PCDHGA11: variants seen among roughly 807,000 people sequenced by gnomAD.
PCDHGA11 encodes the protein protocadherin gamma-A11.
PCDHGA11 carries 39 observed loss-of-function variants against 60.4 expected under a neutral mutation model. That is an observed-to-expected ratio of 0.65 (90% CI 0.50 to 0.84). The LOEUF (loss-of-function observed/expected upper bound fraction) is 0.84, where lower values mean the gene tolerates loss of function less well. Among genes scored for constraint, PCDHGA11 ranks in the 40% least tolerant of loss-of-function variants. The pLI is 0.00. For missense variants in PCDHGA11, 1,165 were observed against 1,197.7 expected, an observed-to-expected ratio of 0.97 and a Z score of 0.40; for synonymous variants, 533 against 510.3, an observed-to-expected ratio of 1.04 and a Z score of -0.60.
rs750915364 is a variant in PCDHGA11, at chr5:141,423,517, T to G, written c.2290T>G (p.Ser764Ala). The G allele has an allele frequency of 1.9e-6, 3 of 1,613,716 alleles. No individual in the cohort carries two copies. The highest frequency in any genetic ancestry group is 2.5e-6 in the Non-Finnish European group (3 of 1,179,834). Residue 764 changes from serine (S) to alanine (A), a missense_variant, in exon 1 of 4, where the codon TCG (serine) becomes GCG (alanine). Physicochemically the swap from Ser to Ala is moderately conservative, Grantham distance 99 (BLOSUM62 1). Coordinates refer to ENST00000398587, the MANE Select transcript of PCDHGA11 (RefSeq NM_018914.3). ...YSHEVSLIAD[S>A]QKSHLIFPQP... Reference sequence around the variant, plus strand: ...CCACGAGGTCTCTCTCATTGCGGACTCGCAGAAGAGTCACCTGATTTTCCC... The same window carrying G: ...CCACGAGGTCTCTCTCATTGCGGACGCGCAGAAGAGTCACCTGATTTTCCC...
At chr5:141,472,849 G>C (rs966051912) in intron 1 of PCDHGA11, among the ~76,000 whole-genome samples, 1 of 151,340 alleles carries the variant, frequency 6.6e-6, no homozygotes, top group East Asian at 2.0e-4. Flanking sequence ...AGCTGGGCAT[G>C]GTGGCACATG....
Position 141,491,730 on chromosome 5 carries a change from C to G in PCDHGA11, c.2434-3077C>G, listed in dbSNP as rs1346666614. 1 of 1,603,920 alleles carries G rather than the reference C, an allele frequency of 6.2e-7. No homozygotes were observed. Among genetic ancestry groups the G allele is most frequent in the Non-Finnish European group, 8.5e-7 (1 of 1,175,836 alleles). ...GGGGCTCGGCGCCGCCCCGGGCGAC[C>G]CCTGGGGGCGGCACTGGAGAAGCCG... On this transcript the variant is annotated intron_variant, in intron 1 of 3. Coordinates refer to ENST00000398587, the MANE Select transcript of PCDHGA11 (RefSeq NM_018914.3). The surrounding 1 kb of genome is among the most constrained non-coding windows in gnomAD (Gnocchi z 6.9).
intron 1 of PCDHGA11, among the ~76,000 whole-genome samples, chr5:141,443,690 A>C (rs2098399415): frequency 6.6e-6 from 1 of 152,224 alleles, no homozygotes; most frequent in Non-Finnish European, 1.5e-5. Flanking sequence ...AACACTTCAA[A>C]AATTATAGAA....
chr5:141,449,040 C>A (rs1333983931), intron 1 of PCDHGA11, among the ~76,000 whole-genome samples: 2 of 152,126 alleles, frequency 1.3e-5, no homozygotes, highest in Non-Finnish European at 2.9e-5. Flanking sequence ...GGATTATTAA[C>A]CAGTCTCATA....
Position 141,487,226 on chromosome 5 carries a change from G to A in PCDHGA11, c.2434-7581G>A. ...TCGAGAATCTTCAGCTCCAAGGGAA[G>A]GAGAATCTCGTCTAACCCTCTACTT... is the stretch of plus-strand genomic sequence containing the variant. On this transcript the variant is annotated intron_variant, in intron 1 of 3. Transcript: ENST00000398587. This position sits in a 1 kb window ranked among gnomAD's most constrained non-coding sequence, Gnocchi z 5.0. The A allele has an allele frequency of 6.2e-7, 1 of 1,614,104 alleles. No individual in the cohort carries two copies. Among genetic ancestry groups the A allele is most frequent in the South Asian group, 1.1e-5 (1 of 91,074 alleles).
chr5:141,444,360 G>A (rs556605314), intron 1 of PCDHGA11, among the ~76,000 whole-genome samples: 1 of 151,652 alleles, frequency 6.6e-6, no homozygotes, highest in South Asian at 2.1e-4. Context: ...TAGTAGAGAC[G>A]GGGTTTCTCC....
rs761268652 is a variant in PCDHGA11, at chr5:141,423,031, A to G, written c.1804A>G (p.Asn602Asp). ...VVAVDKDSGQ[N>D]AWLSYRLLKA... ...TGCGGTGGACAAAGATTCAGGCCAG[A>G]ACGCCTGGCTGTCCTATCGCCTGCT... is the stretch of plus-strand genomic sequence containing the variant. Residue 602 changes from asparagine (N) to aspartate (D), a missense_variant, in exon 1 of 4, where the codon AAC (asparagine) becomes GAC (aspartate). Transcript: ENST00000398587. The G allele has an allele frequency of 1.2e-6, 2 of 1,614,096 alleles. No homozygotes were observed. The highest frequency in any genetic ancestry group is 2.2e-5 in the East Asian group (1 of 44,878).
At chr5:141,439,774 T>G (rs1435214431) in intron 1 of PCDHGA11, 2 of 152,364 alleles carry the variant, frequency 1.3e-5, no homozygotes, top group East Asian at 3.9e-4. Context: ...CCTTCTTGGC[T>G]GGAGATTCTA....
At chr5:141,494,183 G>A (rs971032835) in intron 1 of PCDHGA11, among the ~76,000 whole-genome samples, 2 of 152,146 alleles carry the variant, frequency 1.3e-5, no homozygotes, top group Non-Finnish European at 2.9e-5. Context: ...GAAGTGTCCC[G>A]GGACTTGGAT....
intron 1 of PCDHGA11, among the ~76,000 whole-genome samples, chr5:141,473,965 A>C (rs925515548): frequency 1.1e-4 from 16 of 152,206 alleles, no homozygotes; most frequent in African/African-American, 3.9e-4. Flanking sequence ...TCTACTTAGA[A>C]GTCTGAGGCG....
At position 141,471,056 on chromosome 5, in the gene PCDHGA11, T is replaced by C. The variant is rs1367189715; in HGVS notation, c.2434-23751T>C. On this transcript the variant is annotated intron_variant, in intron 1 of 3. Coordinates refer to ENST00000398587, the MANE Select transcript of PCDHGA11 (RefSeq NM_018914.3). ...ACAAGCCCAAGCCCTCTTTTTTTTT[T>C]TTTTTTTTTTGAGACAGGGTCTCCC... Among the ~76,000 whole-genome samples, 581 of 150,056 alleles carry C rather than the reference T, an allele frequency of 3.9e-3. 6 individuals are homozygous for C. Among genetic ancestry groups the C allele is most frequent in the Admixed American group, 0.011 (167 of 15,092 alleles).
At chr5:141,448,359 CTTTA>C in intron 1 of PCDHGA11, among the ~76,000 whole-genome samples, 1 of 152,074 alleles carries the variant, frequency 6.6e-6, no homozygotes, top group East Asian at 1.9e-4. Context: ...TAGTAGTTTT[CTTTA>C]TTTTATTTTT....
chr5:141,470,718 G>A (rs916720866), intron 1 of PCDHGA11, among the ~76,000 whole-genome samples: 2 of 152,022 alleles, frequency 1.3e-5, no homozygotes, highest in Non-Finnish European at 2.9e-5. Flanking sequence ...ATTTTTTTGA[G>A]TCAGGGTCTT....
At position 141,477,811 on chromosome 5, in the gene PCDHGA11, C is replaced by T. The variant is rs1211574518; in HGVS notation, c.2434-16996C>T. The T allele has an allele frequency of 6.2e-7, 1 of 1,614,164 alleles. No homozygotes were observed. The highest frequency in any genetic ancestry group is 8.5e-7 in the Non-Finnish European group (1 of 1,180,026). ...TCACTGATCGCAATGACAATGCCCC[C>T]CAGGTCCTATATCCTCGGCCAGGTG... is the stretch of plus-strand genomic sequence containing the variant. On this transcript the variant is annotated intron_variant, in intron 1 of 3. Transcript: ENST00000398587. The surrounding 1 kb of genome is among the most constrained non-coding windows in gnomAD (Gnocchi z 4.9).
intron 1 of PCDHGA11, chr5:141,478,344 A>G: frequency 6.2e-7 from 1 of 1,613,882 alleles, no homozygotes; most frequent in Non-Finnish European, 8.5e-7. Context: ...CCCTCCTTGC[A>G]CGCGGACGCC....
At chr5:141,433,655 G>T (rs1227358856) in intron 1 of PCDHGA11, among the ~76,000 whole-genome samples, 2 of 152,036 alleles carry the variant, frequency 1.3e-5, no homozygotes, top group Non-Finnish European at 1.5e-5. Flanking sequence ...GACCAACATG[G>T]AGAAACCCCG....
chr5:141,427,224 A>G (rs1269896138), intron 1 of PCDHGA11: 1 of 456,768 alleles, frequency 2.2e-6, no homozygotes, highest in East Asian at 6.9e-5. Context: ...TAGCAGTTAT[A>G]CCATGAGAGT....
At chr5:141,504,743 G>A (rs924744762) in intron 2 of PCDHGA11, among the ~76,000 whole-genome samples, 5 of 151,982 alleles carry the variant, frequency 3.3e-5, no homozygotes, top group African/African-American at 9.7e-5. Context: ...GGAAGCCATT[G>A]AATTTTAGAA....
rs747126094 is a variant in PCDHGA11, at chr5:141,421,120, G to T, written c.-108G>T. On this transcript the variant is annotated 5_prime_UTR_variant, in exon 1 of 4. Coordinates refer to ENST00000398587, the MANE Select transcript of PCDHGA11 (RefSeq NM_018914.3). ...TGGAGACTTAGAAGTATTTTCCTTC[G>T]CTTTCTGATATATTTTGGATGTAGT... 5.1e-6 allele frequency: 4 copies of T among 779,870 alleles called. No individual in the cohort carries two copies. Among genetic ancestry groups the T allele is most frequent in the Non-Finnish European group, 7.9e-6 (4 of 504,102 alleles). 48.3% of individuals were successfully genotyped at this position (779,870 alleles called of 1,614,324 possible).
Sources: allele counts gnomAD v4.1 joint callset (sites outside exome capture counted in the v4.1 genomes callset), GRCh38; gene constraint gnomAD v4.1.1; non-coding constraint Gnocchi (gnomAD v3.1); transcripts MANE v1.5; gene names NCBI Gene and HGNC (gene_info 2026-07-23, HGNC 2026-07-21).